KCNS3: variants seen among roughly 807,000 people sequenced by gnomAD.
KCNS3 encodes the protein potassium voltage-gated channel modifier subfamily S member 3.
KCNS3 carries 13 observed loss-of-function variants against 31.0 expected under a neutral mutation model. That is an observed-to-expected ratio of 0.42 (90% CI 0.27 to 0.67). The LOEUF (loss-of-function observed/expected upper bound fraction) is 0.67, where lower values mean the gene tolerates loss of function less well. KCNS3 is among the 30% of genes least tolerant of loss of function. The pLI, the probability that KCNS3 is intolerant of heterozygous loss-of-function variation, is 0.25. For missense variants in KCNS3, 545 were observed against 622.4 expected (o/e 0.88, Z 1.32); for synonymous variants, 238 against 241.5 (o/e 0.99, Z 0.13).
chr2:17,884,262 A>T (rs113127521), intron 1 of KCNS3, among the ~76,000 whole-genome samples: 645 of 51,360 alleles, frequency 0.013, 5 homozygotes, highest in African/African-American at 0.028. Flanking sequence ...TAATTAAAAA[A>T]AAAAAAATAT....
intron 1 of KCNS3, among the ~76,000 whole-genome samples, chr2:17,904,389 T>C (rs1040796451): frequency 1.1e-4 from 17 of 152,346 alleles, no homozygotes; most frequent in African/African-American, 4.1e-4. Flanking sequence ...ATTGCAAAAA[T>C]GTTCTCCCAT....
At chr2:17,927,436 A>C (rs1662863186) in intron 2 of KCNS3, among the ~76,000 whole-genome samples, 1 of 152,160 alleles carries the variant, frequency 6.6e-6, no homozygotes, top group Non-Finnish European at 1.5e-5. Context: ...CTGTGGTGCC[A>C]ATTTATAGTA....
intron 2 of KCNS3, among the ~76,000 whole-genome samples, chr2:17,918,971 T>A (rs1424735227): frequency 6.6e-6 from 1 of 152,194 alleles, no homozygotes; most frequent in East Asian, 1.9e-4. Flanking sequence ...CAGCTGGAGA[T>A]GTGATGGAGT....
chr2:17,929,705 CCT>C (rs1265023484), intron 2 of KCNS3, among the ~76,000 whole-genome samples: 1 of 152,188 alleles, frequency 6.6e-6, no homozygotes, highest in East Asian at 1.9e-4. Context: ...GCTTGACTGA[CCT>C]CTCGCATAGC....
intron 1 of KCNS3, among the ~76,000 whole-genome samples, chr2:17,891,468 TTTTG>T (rs915988873): frequency 4.6e-5 from 7 of 152,244 alleles, no homozygotes; most frequent in East Asian, 1.9e-4. Flanking sequence ...TGTGTAGTTT[TTTTG>T]TTTGTTTGTT....
chr2:17,915,886 A>G (rs1402781453), intron 1 of KCNS3, among the ~76,000 whole-genome samples: 1 of 152,064 alleles, frequency 6.6e-6, no homozygotes, highest in African/African-American at 2.4e-5. Context: ...AAGGCACAGG[A>G]ATTCTGAGTT....
At chr2:17,905,611 T>A (rs1294264008) in intron 1 of KCNS3, among the ~76,000 whole-genome samples, 1 of 152,236 alleles carries the variant, frequency 6.6e-6, no homozygotes, top group Admixed American at 6.5e-5. Context: ...CATAAATAGC[T>A]CTTATTATTT....
intron 2 of KCNS3, among the ~76,000 whole-genome samples, chr2:17,922,957 A>G (rs1662753086): frequency 6.6e-6 from 1 of 152,196 alleles, no homozygotes; most frequent in South Asian, 2.1e-4. Context: ...TCTTGGGACT[A>G]TACCTAGGAA....
In KCNS3 at chr2:17,926,253, C is replaced by T. The variant is rs146063420; in HGVS notation, c.-59-4697C>T. Among the ~76,000 whole-genome samples, 619 of 152,368 alleles carry T rather than the reference C, an allele frequency of 4.1e-3. 1 individual carries two copies. The highest frequency in any genetic ancestry group is 0.01 in the Middle Eastern group (3 of 294). Reference sequence around the variant, plus strand: ...TATGGCTTTGCAAGGTACAGCCCTCCTCCCAGCTGCTTTCATGGACTGGTG... The same window carrying T: ...TATGGCTTTGCAAGGTACAGCCCTCTTCCCAGCTGCTTTCATGGACTGGTG... On this transcript the variant is annotated intron_variant, in intron 2 of 2. Coordinates refer to ENST00000304101, the MANE Select transcript of KCNS3 (RefSeq NM_002252.5).
chr2:17,900,080 A>G lies in KCNS3; in HGVS notation c.-251-17600A>G, dbSNP rs143360104. Among the ~76,000 whole-genome samples the G allele has an allele frequency of 3.0e-3, 454 of 152,260 alleles. 5 individuals are homozygous for G. The highest frequency in any genetic ancestry group is 0.01 in the African/African-American group (417 of 41,544). ...CTCTGCTTTCCATTTAACTATTTGA[A>G]ACCTCAATTTCCTCATTCATAAGTG... On this transcript the variant is annotated intron_variant, in intron 1 of 2. Transcript: ENST00000304101.
intron 1 of KCNS3, among the ~76,000 whole-genome samples, chr2:17,908,105 C>T (rs933267764): frequency 3.3e-5 from 5 of 152,304 alleles, no homozygotes; most frequent in East Asian, 3.9e-4. Flanking sequence ...ACCAATCAGA[C>T]GTAGATTTGG....
intron 1 of KCNS3, among the ~76,000 whole-genome samples, chr2:17,888,629 GTATATATATA>G (rs70964021): frequency 0.035 from 3,216 of 92,340 alleles, 110 homozygotes; most frequent in Middle Eastern, 0.079. Context: ...TAAAAAAAAT[GTATATATATA>G]TATATATATA....
chr2:17,903,601 T>C (rs1341090883), intron 1 of KCNS3, among the ~76,000 whole-genome samples: 2 of 151,724 alleles, frequency 1.3e-5, no homozygotes, highest in Non-Finnish European at 2.9e-5. Flanking sequence ...ATGCTTTCCT[T>C]CCCCCTTCCC....
Position 17,931,287 on chromosome 2 carries a change from G to T in KCNS3, c.279G>T (p.Glu93Asp). The change falls in exon 3 of 3, where the codon GAG (glutamate) becomes GAT (aspartate). Residue 93 changes from glutamate (E) to aspartate (D), a missense_variant. Glu to Asp is a conservative substitution (Grantham distance 45). Coordinates refer to ENST00000304101, the MANE Select transcript of KCNS3 (RefSeq NM_002252.5). The surrounding 1 kb of genome is among the most constrained non-coding windows in gnomAD (Gnocchi z 5.4). Reference protein sequence around the residue: ...YYTGKLHVMEELCVFSFCQEI... With the variant: ...YYTGKLHVMEDLCVFSFCQEI... ...CGGGGAAGCTGCATGTCATGGAGGA[G>T]CTGTGCGTATTCTCATTCTGCCAGG... The T allele has an allele frequency of 2.5e-6, 4 of 1,614,170 alleles. No individual in the cohort carries two copies. The highest frequency in any genetic ancestry group is 3.4e-6 in the Non-Finnish European group (4 of 1,180,034).
chr2:17,930,990 T>G lies in KCNS3; in HGVS notation c.-19T>G. 1 of 1,605,364 alleles carries G rather than the reference T, an allele frequency of 6.2e-7. No homozygotes were observed. ...CCTCTTCTCCCTTGCCAGCCAGCAC[T>G]CTGCCTTCTGTATCCACCATGGTGT... On this transcript the variant is annotated 5_prime_UTR_variant, in exon 3 of 3. Transcript: ENST00000304101.
At chr2:17,911,420 T>C (rs1425313761) in intron 1 of KCNS3, among the ~76,000 whole-genome samples, 10 of 152,246 alleles carry the variant, frequency 6.6e-5, no homozygotes, top group Admixed American at 6.5e-4. Context: ...ATTTGATATC[T>C]ATCTCATTCC....
chr2:17,912,404 G>A (rs865936105), intron 1 of KCNS3, among the ~76,000 whole-genome samples: 9 of 152,230 alleles, frequency 5.9e-5, no homozygotes, highest in African/African-American at 2.2e-4. Context: ...TAGCCATGCG[G>A]TAGGGAGATG....
At chr2:17,919,977 T>G (rs1458330804) in intron 2 of KCNS3, among the ~76,000 whole-genome samples, 1 of 152,100 alleles carries the variant, frequency 6.6e-6, no homozygotes. Context: ...TTTGCTTGGT[T>G]TTTCCATTTT....
chr2:17,892,985 T>G (rs892017968), intron 1 of KCNS3, among the ~76,000 whole-genome samples: 1 of 152,144 alleles, frequency 6.6e-6, no homozygotes, highest in African/African-American at 2.4e-5. Flanking sequence ...CCTAGAACTC[T>G]CAAGATTATA....
Sources: allele counts gnomAD v4.1 joint callset (sites outside exome capture counted in the v4.1 genomes callset), GRCh38; gene constraint gnomAD v4.1.1; non-coding constraint Gnocchi (gnomAD v3.1); transcripts MANE v1.5; gene names NCBI Gene and HGNC (gene_info 2026-07-23, HGNC 2026-07-21).